Variants in FHOD3 observed in about 807,000 individuals in gnomAD.
FHOD3 encodes the protein formin homology 2 domain containing 3.
In FHOD3, 90 loss-of-function variants were observed where a neutral mutation model predicts 173.0. That is an observed-to-expected ratio of 0.52 (90% CI 0.44 to 0.62). FHOD3 has a LOEUF of 0.62. FHOD3 is among the 20% of genes least tolerant of loss of function. FHOD3 has a pLI of 0.00. For synonymous variants in FHOD3, 828 were observed against 823.0 expected, an observed-to-expected ratio of 1.01 and a Z score of -0.10; for missense variants, 1,945 against 2,034.7, an observed-to-expected ratio of 0.96 and a Z score of 0.85.
At chr18:36,437,800 A>C (rs899336261) in intron 3 of FHOD3, among the ~76,000 whole-genome samples, 1 of 151,448 alleles carries the variant, frequency 6.6e-6, no homozygotes, top group African/African-American at 2.4e-5. Flanking sequence ...AGTAGCTGGG[A>C]TTACAGACAC....
At chr18:36,444,756 G>A (rs2051369209) in intron 3 of FHOD3, among the ~76,000 whole-genome samples, 1 of 151,620 alleles carries the variant, frequency 6.6e-6, no homozygotes. Context: ...CTTCATATAA[G>A]TTCAGAGAGA....
At chr18:36,547,105 A>AGGGGCAGGTTG in intron 5 of FHOD3, among the ~76,000 whole-genome samples, 1 of 152,302 alleles carries the variant, frequency 6.6e-6, no homozygotes, top group Admixed American at 6.5e-5. Flanking sequence ...TGCCGCCTTC[A>AGGGGCAGGTTG]GGGGCAGGTT....
At chr18:36,346,553 G>T (rs565519615) in intron 1 of FHOD3, among the ~76,000 whole-genome samples, 1 of 152,102 alleles carries the variant, frequency 6.6e-6, no homozygotes, top group East Asian at 1.9e-4. Context: ...CACCATATCC[G>T]ATCAGTCACT....
intron 1 of FHOD3, among the ~76,000 whole-genome samples, chr18:36,311,238 A>C (rs1382108220): frequency 6.6e-6 from 1 of 152,142 alleles, no homozygotes; most frequent in South Asian, 2.1e-4. Context: ...CCTGCTGTTC[A>C]TAGTCCCAGC....
At chr18:36,535,982 G>C (rs1291370409) in intron 5 of FHOD3, among the ~76,000 whole-genome samples, 2 of 152,158 alleles carry the variant, frequency 1.3e-5, no homozygotes, top group East Asian at 3.8e-4. Context: ...TAATAATTGA[G>C]TACAATGTTT....
At position 36,488,379 on chromosome 18, in the gene FHOD3, A is replaced by G. The variant is rs185391758; in HGVS notation, c.338-13553A>G. Among the ~76,000 whole-genome samples the G allele has an allele frequency of 2.8e-3, 428 of 152,234 alleles. 2 individuals carry two copies. The highest frequency in any genetic ancestry group is 9.6e-3 in the African/African-American group (398 of 41,552). The stretch of plus-strand genomic sequence containing the variant: ...CATTGACCCCGGGAAGGAAGAGGCA[A>G]TCTCTTTGGGGGAGTGATTGTGCTT... On this transcript the variant is annotated intron_variant, in intron 3 of 28. Coordinates refer to ENST00000590592, the MANE Select transcript of FHOD3 (RefSeq NM_001281740.3).
In FHOD3 at chr18:36,587,856, T is replaced by C. The variant is rs556019974; in HGVS notation, c.607-6931T>C. On this transcript the variant is annotated intron_variant, in intron 6 of 28. Coordinates refer to ENST00000590592, the MANE Select transcript of FHOD3 (RefSeq NM_001281740.3). ...TTATTTTGAGTTGTCTGCTATATTT[T>C]ACATTCTGTAAGATTTCCTGTTCGC... 4.6e-5 allele frequency among the ~76,000 whole-genome samples: 7 copies of C among 152,360 alleles called. No individual in the cohort carries two copies. The South Asian group carries it at 1.5e-3, about 32-fold the overall frequency.
intron 18 of FHOD3, chr18:36,709,610 G>T: frequency 3.6e-6 from 2 of 559,152 alleles, no homozygotes. Context: ...CAAACTGTCT[G>T]CCACACCATC....
chr18:36,634,333 G>T (rs1359826777), intron 10 of FHOD3, among the ~76,000 whole-genome samples: 1 of 152,084 alleles, frequency 6.6e-6, no homozygotes, highest in Non-Finnish European at 1.5e-5. Flanking sequence ...AACTGTGCTG[G>T]GGGGTGAGCT....
chr18:36,527,654 C>G (rs986331199), intron 5 of FHOD3, among the ~76,000 whole-genome samples: 3 of 152,170 alleles, frequency 2.0e-5, no homozygotes, highest in African/African-American at 7.2e-5. Context: ...CCATGCTGAG[C>G]ACCTTTGAGC....
At chr18:36,454,973 A>G (rs954782741) in intron 3 of FHOD3, among the ~76,000 whole-genome samples, 10 of 152,104 alleles carry the variant, frequency 6.6e-5, no homozygotes, top group African/African-American at 1.4e-4. Flanking sequence ...CAGAGTCCCA[A>G]CACATGCCCA....
intron 3 of FHOD3, among the ~76,000 whole-genome samples, chr18:36,374,704 T>C (rs2047352979): frequency 6.6e-6 from 1 of 152,208 alleles, no homozygotes. Context: ...TTGGAGTGAG[T>C]TGTAAAAGAA....
At chr18:36,342,329 TCAA>T (rs2045664381) in intron 1 of FHOD3, among the ~76,000 whole-genome samples, 1 of 151,986 alleles carries the variant, frequency 6.6e-6, no homozygotes, top group Non-Finnish European at 1.5e-5. Flanking sequence ...TTTTCTAAAA[TCAA>T]CAAATGACAC....
chr18:36,468,014 A>G (rs1418909990), intron 3 of FHOD3, among the ~76,000 whole-genome samples: 1 of 152,220 alleles, frequency 6.6e-6, no homozygotes, highest in Non-Finnish European at 1.5e-5. Context: ...GCACAGCAGG[A>G]TAGTTGGGTG....
intron 3 of FHOD3, among the ~76,000 whole-genome samples, chr18:36,442,757 A>G (rs1180717923): frequency 4.6e-5 from 7 of 152,154 alleles, no homozygotes. Flanking sequence ...TCCATTAACT[A>G]TTCTAGAGAC....
At chr18:36,634,337 G>A (rs568522038) in intron 10 of FHOD3, among the ~76,000 whole-genome samples, 3 of 152,252 alleles carry the variant, frequency 2.0e-5, no homozygotes, top group Non-Finnish European at 4.4e-5. Flanking sequence ...GTGCTGGGGG[G>A]TGAGCTCATC....
At chr18:36,410,314 T>C (rs1450468582) in intron 3 of FHOD3, among the ~76,000 whole-genome samples, 2 of 152,232 alleles carry the variant, frequency 1.3e-5, no homozygotes, top group Non-Finnish European at 2.9e-5. Context: ...TCAAGGTTCA[T>C]CCATGTTGTA....
At chr18:36,502,043 G>C (rs1179883129) in intron 4 of FHOD3, 44 bp downstream of exon 4, 1 of 1,348,700 alleles carries the variant, frequency 7.4e-7, no homozygotes, top group Non-Finnish European at 1.0e-6. Context: ...TTACATTGCT[G>C]TGAAATTAGA....
intron 24 of FHOD3, among the ~76,000 whole-genome samples, chr18:36,749,326 C>T (rs1236131492): frequency 1.3e-5 from 2 of 152,092 alleles, no homozygotes; most frequent in Admixed American, 1.3e-4. Flanking sequence ...TGCTCCTCTC[C>T]CTCCTTCCAC....
Sources: gnomAD v4.1 joint callset for allele counts (sites outside exome capture counted in the v4.1 genomes callset) on GRCh38, gnomAD v4.1.1 for gene constraint, MANE v1.5 for transcripts, NCBI Gene and HGNC (gene_info 2026-07-23, HGNC 2026-07-21) for gene names.